The following TRAPPC3L variants were observed in gnomAD, a reference collection of about 807,000 sequenced individuals.
TRAPPC3L encodes trafficking protein particle complex subunit 3L.
TRAPPC3L carries 23 observed loss-of-function variants against 23.7 expected under a neutral mutation model. That is an observed-to-expected ratio of 0.97 (90% confidence interval 0.70 to 1.37). The LOEUF (loss-of-function observed/expected upper bound fraction) is 1.37. TRAPPC3L is among the 40% of genes most tolerant of loss of function. The pLI is 0.00. For missense variants in TRAPPC3L, 212 were observed against 216.8 expected, an observed-to-expected ratio of 0.98 and a Z score of 0.14; for synonymous variants, 81 against 77.9, an observed-to-expected ratio of 1.04 and a Z score of -0.21.
At chr6:116,498,704 T>A (rs577597863) in intron 4 of TRAPPC3L, among the ~76,000 whole-genome samples, 1 of 152,322 alleles carries the variant, frequency 6.6e-6, no homozygotes, top group East Asian at 1.9e-4. Context: ...ATGTTGTGAA[T>A]ATTTTTCAGG....
At position 116,502,676 on chromosome 6, in the gene TRAPPC3L, C is replaced by A. The variant is rs745703092; in HGVS notation, c.241-2010G>T. ...AGCCCATCAGACTAACAGCAGATTT[C>A]TTGGCAGAAACACTACAAGCCAGAA... On this transcript the variant is annotated intron_variant, in intron 3 of 4. Transcript: ENST00000368602. Among the ~76,000 whole-genome samples the A allele has an allele frequency of 1.1e-3, 167 of 152,238 alleles. 1 individual carries two copies. Among genetic ancestry groups the A allele is most frequent in the Non-Finnish European group, 1.5e-3 (105 of 68,046 alleles).
intron 3 of TRAPPC3L, among the ~76,000 whole-genome samples, chr6:116,532,012 C>A (rs758490807): frequency 1.3e-5 from 2 of 151,942 alleles, no homozygotes; most frequent in African/African-American, 2.4e-5. Flanking sequence ...AGGATCCTAC[C>A]GCAGTTTAAA....
chr6:116,537,390 G>A lies in TRAPPC3L; in HGVS notation c.240+2973C>T, dbSNP rs1162155451. Among the ~76,000 whole-genome samples the A allele has an allele frequency of 3.9e-5, 6 of 152,294 alleles. No individual in the cohort carries two copies. In the East Asian group the frequency reaches 7.7e-4, roughly 20 times the overall value. On this transcript the variant is annotated intron_variant, in intron 3 of 4. Coordinates refer to ENST00000368602, the MANE Select transcript of TRAPPC3L (RefSeq NM_001139444.3). ...CTTGGTGAAAATTGTGTACCATTAG[G>A]AGGTCAAATTTCGTTAGAATCTTCT...
chr6:116,516,157 G>A, intron 3 of TRAPPC3L: 2 of 848,974 alleles, frequency 2.4e-6, no homozygotes, highest in Middle Eastern at 3.7e-4. Flanking sequence ...GGAACATCAG[G>A]ATGTGCTCAA....
At chr6:116,509,660 T>C (rs918152388) in intron 3 of TRAPPC3L, among the ~76,000 whole-genome samples, 12 of 152,170 alleles carry the variant, frequency 7.9e-5, no homozygotes, top group Admixed American at 7.9e-4. Flanking sequence ...TCACTCACCA[T>C]ATACAAAAAT....
At chr6:116,513,004 G>A (rs1321634340) in intron 3 of TRAPPC3L, among the ~76,000 whole-genome samples, 3 of 152,102 alleles carry the variant, frequency 2.0e-5, no homozygotes, top group Non-Finnish European at 4.4e-5. Flanking sequence ...CATTCCTCCA[G>A]GCACATGAAC....
At chr6:116,502,914 C>A (rs1771941459) in intron 3 of TRAPPC3L, among the ~76,000 whole-genome samples, 1 of 152,132 alleles carries the variant, frequency 6.6e-6, no homozygotes, top group African/African-American at 2.4e-5. Context: ...CCAGCCACTG[C>A]AAAAACATGC....
intron 3 of TRAPPC3L, among the ~76,000 whole-genome samples, chr6:116,504,653 C>T (rs2637662): frequency 0.44 from 66,493 of 151,958 alleles, 15,473 homozygotes; most frequent in Middle Eastern, 0.58. Flanking sequence ...GCAAACCGAA[C>T]CCAGCAGCAC....
At chr6:116,509,343 A>T (rs1772065772) in intron 3 of TRAPPC3L, among the ~76,000 whole-genome samples, 1 of 152,178 alleles carries the variant, frequency 6.6e-6, no homozygotes, top group Non-Finnish European at 1.5e-5. Context: ...AGAAAAAACA[A>T]TCCTAAAATT....
intron 3 of TRAPPC3L, among the ~76,000 whole-genome samples, chr6:116,503,567 A>C (rs546088800): frequency 6.6e-6 from 1 of 152,212 alleles, no homozygotes; most frequent in East Asian, 1.9e-4. Flanking sequence ...ATCAACAGAA[A>C]TACATTCTTC....
At chr6:116,513,288 G>T (rs938842660) in intron 3 of TRAPPC3L, among the ~76,000 whole-genome samples, 1 of 152,124 alleles carries the variant, frequency 6.6e-6, no homozygotes, top group Non-Finnish European at 1.5e-5. Flanking sequence ...TTCATAAATT[G>T]ATAAGTCAAA....
intron 3 of TRAPPC3L, among the ~76,000 whole-genome samples, chr6:116,503,431 C>A (rs527564765): frequency 2.6e-5 from 4 of 152,148 alleles, no homozygotes; most frequent in Non-Finnish European, 4.4e-5. Context: ...TAATGGAAGA[C>A]TTTGACACCT....
chr6:116,510,260 A>C (rs1480995952), intron 3 of TRAPPC3L, among the ~76,000 whole-genome samples: 1 of 152,128 alleles, frequency 6.6e-6, no homozygotes, highest in East Asian at 1.9e-4. Flanking sequence ...TATAAAAAAC[A>C]GTATGGAGAT....
intron 3 of TRAPPC3L, among the ~76,000 whole-genome samples, chr6:116,510,135 T>C (rs1772084427): frequency 6.6e-6 from 1 of 152,178 alleles, no homozygotes; most frequent in Non-Finnish European, 1.5e-5. Context: ...GATACCACCT[T>C]ATTCCAGTAA....
intron 3 of TRAPPC3L, among the ~76,000 whole-genome samples, chr6:116,505,430 A>C (rs1439342974): frequency 6.6e-6 from 1 of 152,224 alleles, no homozygotes; most frequent in Non-Finnish European, 1.5e-5. Flanking sequence ...TATCGTGAAA[A>C]TGGCCATACT....
intron 3 of TRAPPC3L, among the ~76,000 whole-genome samples, chr6:116,508,230 C>T (rs1181561301): frequency 2.0e-5 from 3 of 151,028 alleles, no homozygotes; most frequent in Non-Finnish European, 4.4e-5. Context: ...ACCTGGCACA[C>T]AGTGGGAGTT....
chr6:116,539,994 C>T (rs976937390), intron 3 of TRAPPC3L, among the ~76,000 whole-genome samples: 2 of 152,132 alleles, frequency 1.3e-5, no homozygotes, highest in Non-Finnish European at 2.9e-5. Context: ...TTCTTTGATA[C>T]TACCAAAAAC....
chr6:116,505,084 G>T (rs1267088201), intron 3 of TRAPPC3L, among the ~76,000 whole-genome samples: 1 of 152,196 alleles, frequency 6.6e-6, no homozygotes, highest in Non-Finnish European at 1.5e-5. Context: ...AATTGTCTCT[G>T]TTTGCAGATG....
intron 3 of TRAPPC3L, among the ~76,000 whole-genome samples, chr6:116,503,482 C>A (rs1771953376): frequency 6.6e-6 from 1 of 152,164 alleles, no homozygotes; most frequent in Non-Finnish European, 1.5e-5. Context: ...AGAAAATTAA[C>A]AAGGATATCA....
Sources: gnomAD v4.1 joint callset for allele counts (sites outside exome capture counted in the v4.1 genomes callset) on GRCh38, gnomAD v4.1.1 for gene constraint, MANE v1.5 for transcripts, NCBI Gene and HGNC (gene_info 2026-07-23, HGNC 2026-07-21) for gene names.